Variants in GPR137B observed in about 807,000 individuals in gnomAD.
GPR137B encodes integral membrane protein GPR137B.
GPR137B carries 42 observed loss-of-function variants against 42.5 expected under a neutral mutation model. The observed-to-expected ratio is 0.99, with a 90% CI of 0.77 to 1.28. GPR137B has a LOEUF of 1.28. Among genes scored for constraint, GPR137B ranks in the 50% most tolerant of loss-of-function variants. GPR137B has a pLI of 0.00. For synonymous variants in GPR137B, 218 were observed against 209.7 expected, an observed-to-expected ratio of 1.04 and a Z score of -0.34; for missense variants, 487 against 493.9, an observed-to-expected ratio of 0.99 and a Z score of 0.13.
intron 5 of GPR137B, among the ~76,000 whole-genome samples, chr1:236,202,488 G>T (rs1558496778): frequency 6.6e-6 from 1 of 151,948 alleles, no homozygotes; most frequent in African/African-American, 2.4e-5. Flanking sequence ...AGTTTTCCTG[G>T]TATGCTCCTG....
At chr1:236,146,171 A>G (rs1400287933) in intron 1 of GPR137B, among the ~76,000 whole-genome samples, 2 of 152,150 alleles carry the variant, frequency 1.3e-5, no homozygotes, top group Admixed American at 6.6e-5. Context: ...AAACCTCTTA[A>G]CAATGGGAAA....
rs769260547 is a variant in GPR137B at position 236,180,040 on chromosome 1, C to T, written c.837+12C>T. On this transcript the variant is annotated intron_variant, in intron 4 of 6. Coordinates refer to ENST00000366592, the MANE Select transcript of GPR137B (RefSeq NM_003272.4). ...ATGTATCAGACCAGGTCAGTGGGGG[C>T]GCTGAGGAGGTGTCACCTGACCAGG... 18 of 1,610,642 alleles carry T rather than the reference C, an allele frequency of 1.1e-5. No individual in the cohort carries two copies. Among genetic ancestry groups the T allele is most frequent in the Admixed American group, 3.3e-5 (2 of 60,008 alleles).
chr1:236,192,998 G>C (rs1382019528), intron 5 of GPR137B, among the ~76,000 whole-genome samples: 2 of 151,994 alleles, frequency 1.3e-5, no homozygotes, highest in Non-Finnish European at 2.9e-5. Flanking sequence ...GGGTTCAAGC[G>C]ATTCCCCTGC....
intron 5 of GPR137B, among the ~76,000 whole-genome samples, chr1:236,193,148 G>T (rs1158798184): frequency 1.3e-5 from 2 of 152,106 alleles, no homozygotes; most frequent in Admixed American, 1.3e-4. Flanking sequence ...ACCTGCCTTG[G>T]CCTCCCAAAG....
intron 5 of GPR137B, among the ~76,000 whole-genome samples, chr1:236,197,063 A>T (rs1467146588): frequency 6.6e-6 from 1 of 151,982 alleles, no homozygotes; most frequent in African/African-American, 2.4e-5. Flanking sequence ...TTATTTCTGA[A>T]TTATGGTCAT....
At chr1:236,164,133 G>T (rs191566186) in intron 1 of GPR137B, among the ~76,000 whole-genome samples, 1 of 152,124 alleles carries the variant, frequency 6.6e-6, no homozygotes, top group Non-Finnish European at 1.5e-5. Flanking sequence ...TGACATGTCT[G>T]TCTGCCTGTG....
chr1:236,208,822 C>T lies in GPR137B; in HGVS notation c.*664C>T, dbSNP rs760462949. 8.1e-6 allele frequency: 8 copies of T among 983,580 alleles called. No homozygotes were observed. The highest frequency in any genetic ancestry group is 3.5e-5 in the African/African-American group (2 of 57,112). 60.9% of individuals were successfully genotyped at this position (983,580 alleles called of 1,614,324 possible). A position where few individuals can be genotyped will look rare whatever the true frequency, so the allele number is the denominator to read the frequency against. On this transcript the variant is annotated 3_prime_UTR_variant, in exon 7 of 7. Transcript: ENST00000366592. ...AGACTGGTACTTCCTTTCAGTAGGG[C>T]GCTAATGTATACACATTAATGATAA...
At chr1:236,173,313 G>A (rs1662599874) in intron 2 of GPR137B, among the ~76,000 whole-genome samples, 3 of 143,096 alleles carry the variant, frequency 2.1e-5, no homozygotes, top group Admixed American at 1.4e-4. Context: ...AAAGAAGAAA[G>A]AAAAGGATGA....
intron 5 of GPR137B, among the ~76,000 whole-genome samples, chr1:236,200,591 AAAT>A (rs985095794): frequency 2.0e-5 from 3 of 152,050 alleles, no homozygotes; most frequent in African/African-American, 7.3e-5. Flanking sequence ...TTTTATTAAT[AAAT>A]AATGTCTCTC....
intron 1 of GPR137B, among the ~76,000 whole-genome samples, chr1:236,164,096 C>A (rs1383553328): frequency 3.3e-5 from 5 of 152,142 alleles, no homozygotes; most frequent in South Asian, 4.2e-4. Flanking sequence ...ACTTCCTACA[C>A]CTCCTCACAC....
In GPR137B at chr1:236,142,711, C is replaced by T; in HGVS notation, c.89C>T (p.Pro30Leu). 3 of 1,602,530 alleles carry T rather than the reference C, an allele frequency of 1.9e-6. No individual in the cohort carries two copies. Among genetic ancestry groups the T allele is most frequent in the Non-Finnish European group, 1.7e-6 (2 of 1,177,194 alleles). Residue 30 changes from proline to leucine, a missense_variant, in exon 1 of 7, where the codon CCG becomes CTG. Pro to Leu is a moderately conservative substitution (Grantham distance 98). Transcript: ENST00000366592. ...GACCCAGCCCGCAACGACTCGCTGC[C>T]GCCCACGCTGACCCCGGCCGTGCCC... is the stretch of plus-strand genomic sequence containing the variant. Reference protein sequence around the residue: ...PWDPARNDSLPPTLTPAVPPY... With the variant: ...PWDPARNDSLLPTLTPAVPPY...
At chr1:236,179,367 TCA>T (rs1481022206) in intron 3 of GPR137B, among the ~76,000 whole-genome samples, 3 of 152,142 alleles carry the variant, frequency 2.0e-5, no homozygotes, top group Admixed American at 6.6e-5. Context: ...GGGGCACAAA[TCA>T]CTGATTTCCA....
At chr1:236,166,874 A>G (rs1173071879) in intron 1 of GPR137B, among the ~76,000 whole-genome samples, 1 of 151,450 alleles carries the variant, frequency 6.6e-6, no homozygotes, top group Non-Finnish European at 1.5e-5. Context: ...GTGGTCTTGA[A>G]CTCCTGGGCC....
chr1:236,158,973 C>T (rs1305755757), intron 1 of GPR137B, among the ~76,000 whole-genome samples: 2 of 152,176 alleles, frequency 1.3e-5, no homozygotes, highest in Non-Finnish European at 2.9e-5. Flanking sequence ...GCTGACTGCA[C>T]AGGAGACACT....
At chr1:236,181,893 A>ATTTTAACCTTTTTTTTTTTT (rs10680855) in intron 4 of GPR137B, among the ~76,000 whole-genome samples, 3 of 121,498 alleles carry the variant, frequency 2.5e-5, no homozygotes, top group Non-Finnish European at 1.6e-5. Context: ...AATATTTGCT[A>ATTTTAACCTTTTTTTTTTTT]TTTTTTTTTT....
chr1:236,156,793 T>A lies in GPR137B; in HGVS notation c.415-11913T>A, dbSNP rs1177023049. 6.6e-6 allele frequency among the ~76,000 whole-genome samples: 1 copy of A among 152,154 alleles called. No individual in the cohort carries two copies. Among genetic ancestry groups the A allele is most frequent in the African/African-American group, 2.4e-5 (1 of 41,436 alleles). ...GGAGACCAGGGCCCTGGGGTTTGCATAATTTCCCCAATATATCAGGAAGTG... is the reference window on the plus strand; with the variant it reads ...GGAGACCAGGGCCCTGGGGTTTGCAAAATTTCCCCAATATATCAGGAAGTG... On this transcript the variant is annotated intron_variant, in intron 1 of 6. Coordinates refer to ENST00000366592, the MANE Select transcript of GPR137B (RefSeq NM_003272.4). The surrounding 1 kb of genome is among the most constrained non-coding windows in gnomAD (Gnocchi z 4.8).
intron 1 of GPR137B, 28 bp from the exon 2 acceptor site, chr1:236,168,678 A>C (rs1476779799): frequency 1.9e-6 from 3 of 1,597,656 alleles, no homozygotes; most frequent in Admixed American, 1.7e-5. Flanking sequence ...ATTGGACCCC[A>C]ACCTGCCATG....
At chr1:236,158,453 G>A (rs915879904) in intron 1 of GPR137B, among the ~76,000 whole-genome samples, 2 of 152,148 alleles carry the variant, frequency 1.3e-5, no homozygotes, top group South Asian at 2.1e-4. Flanking sequence ...CATAGCTGGA[G>A]CAAACGTGGC....
intron 1 of GPR137B, among the ~76,000 whole-genome samples, chr1:236,145,668 C>T (rs981300515): frequency 1.3e-5 from 2 of 151,450 alleles, no homozygotes; most frequent in African/African-American, 4.9e-5. Context: ...AGAAAGCACA[C>T]TTCTAAGCAA....
Sources: gnomAD v4.1 joint callset for allele counts (sites outside exome capture counted in the v4.1 genomes callset) on GRCh38, gnomAD v4.1.1 for gene constraint, Gnocchi (gnomAD v3.1) non-coding constraint, MANE v1.5 for transcripts, NCBI Gene and HGNC (gene_info 2026-07-23, HGNC 2026-07-21) for gene names.